Variants in NEDD4 observed in about 807,000 individuals in gnomAD.
The protein encoded by NEDD4 is E3 ubiquitin-protein ligase NEDD4.
NEDD4 carries 99 observed loss-of-function variants against 144.9 expected under a neutral mutation model. The observed-to-expected ratio is 0.68, with a 90% CI of 0.58 to 0.81. The LOEUF (loss-of-function observed/expected upper bound fraction) is 0.81. Among genes scored for constraint, NEDD4 ranks in the 30% least tolerant of loss-of-function variants. NEDD4 has a pLI of 0.00. For missense variants in NEDD4, 985 were observed against 1,065.9 expected, an observed-to-expected ratio of 0.92 and a Z score of 1.06; for synonymous variants, 318 against 350.6, an observed-to-expected ratio of 0.91 and a Z score of 1.04.
In NEDD4 at chr15:55,833,104, C is replaced by A; in HGVS notation, c.2431G>T (p.Ala811Ser). ...NHQVIQWFWK[A>S]VLMMDSEKRI... ...TTTTCTGAATCCATCATTAAAACAG[C>A]CTGAATAAGATAAAAACATCATTTA... The change falls in exon 27 of 29, where the codon GCT (alanine) becomes TCT (serine). Residue 811 changes from alanine to serine, a missense_variant and splice_region_variant. Transcript: ENST00000435532. 6.3e-7 allele frequency: 1 copy of A among 1,599,238 alleles called. No homozygotes were observed. Among genetic ancestry groups the A allele is most frequent in the Non-Finnish European group, 8.6e-7 (1 of 1,168,658 alleles).
chr15:55,973,109 T>G (rs1331029922), intron 1 of NEDD4, among the ~76,000 whole-genome samples: 2 of 152,210 alleles, frequency 1.3e-5, no homozygotes, highest in Non-Finnish European at 2.9e-5. Flanking sequence ...AATGTTGGAC[T>G]TAATCTGCAC....
At chr15:55,918,224 G>A (rs1332156479) in intron 5 of NEDD4, among the ~76,000 whole-genome samples, 1 of 152,046 alleles carries the variant, frequency 6.6e-6, no homozygotes, top group African/African-American at 2.4e-5. Context: ...TTTAGAGGTT[G>A]TGATTTTGTA....
Position 55,834,236 on chromosome 15 carries a change from A to G in NEDD4, c.2313T>C (p.Asn771=). 1 of 1,610,270 alleles carries G rather than the reference A, an allele frequency of 6.2e-7. No individual in the cohort carries two copies. The highest frequency in any genetic ancestry group is 8.5e-7 in the Non-Finnish European group (1 of 1,176,714). The change falls in exon 25 of 29, where the codon AAT becomes AAC. Residue 771 remains asparagine (N), a synonymous_variant. Transcript: ENST00000435532. The part of the protein sequence containing the change: ...PQDLIKIFDE[N]ELELLMCGLG... ...AAATGTTATGTCTTACCTCTAGTTC[A>G]TTTTCATCAAAAATTTTGATGAGAT...
chr15:55,930,929 C>G (rs889194461), intron 4 of NEDD4, among the ~76,000 whole-genome samples: 1 of 152,102 alleles, frequency 6.6e-6, no homozygotes, highest in Non-Finnish European at 1.5e-5. Flanking sequence ...GTCTTGGGTA[C>G]GTCTTTACTA....
At chr15:55,919,868 C>T (rs114051376) in intron 5 of NEDD4, among the ~76,000 whole-genome samples, 2,579 of 152,206 alleles carry the variant, frequency 0.017, 71 homozygotes, top group African/African-American at 0.057. Context: ...AAGTCAGCTG[C>T]GGTGGTTAAT....
chr15:55,987,338 ATTTG>A (rs2037912359), intron 1 of NEDD4: 1 of 1,866 alleles, frequency 5.4e-4, no homozygotes, highest in Admixed American at 3.8e-3. Flanking sequence ...TTTCTTGTAA[ATTTG>A]TTTGAGTTCA....
At chr15:55,896,186 T>A (rs1168436657) in intron 5 of NEDD4, among the ~76,000 whole-genome samples, 1 of 152,136 alleles carries the variant, frequency 6.6e-6, no homozygotes, top group African/African-American at 2.4e-5. Context: ...TTCACTTTTG[T>A]CTTTATTTAT....
intron 5 of NEDD4, among the ~76,000 whole-genome samples, chr15:55,894,444 A>G (rs1189457899): frequency 5.9e-5 from 9 of 152,100 alleles, no homozygotes; most frequent in African/African-American, 1.9e-4. Context: ...GGGGTCCTGG[A>G]ACCATTCCCC....
intron 4 of NEDD4, among the ~76,000 whole-genome samples, chr15:55,931,974 T>C (rs2036790457): frequency 1.3e-5 from 2 of 152,216 alleles, no homozygotes; most frequent in African/African-American, 4.8e-5. Flanking sequence ...TTGCCTATTC[T>C]GGACATTTCA....
At chr15:55,916,315 C>G in intron 5 of NEDD4, 1 of 1,614,020 alleles carries the variant, frequency 6.2e-7, no homozygotes, top group Admixed American at 1.7e-5. Context: ...GTGATACTTG[C>G]ACATGACCCA....
chr15:55,935,928 G>GT (rs1164255549), intron 4 of NEDD4, among the ~76,000 whole-genome samples: 1 of 150,780 alleles, frequency 6.6e-6, no homozygotes, highest in African/African-American at 2.4e-5. Context: ...TGGAACTGCT[G>GT]TAAGTATCTG....
intron 5 of NEDD4, among the ~76,000 whole-genome samples, chr15:55,907,230 G>C (rs1462310291): frequency 6.6e-6 from 1 of 152,066 alleles, no homozygotes; most frequent in African/African-American, 2.4e-5. Context: ...AAATTTTAAG[G>C]TCAATCCAGG....
At position 55,829,551 on chromosome 15, in the gene NEDD4, C is replaced by A. The variant is rs1297958803; in HGVS notation, c.*346G>T. The A allele has an allele frequency of 1.2e-5, 2 of 164,700 alleles. No individual in the cohort carries two copies. The highest frequency in any genetic ancestry group is 2.6e-5 in the Non-Finnish European group (2 of 75,882). 10.2% of individuals were successfully genotyped at this position (164,700 alleles called of 1,614,324 possible). On this transcript the variant is annotated 3_prime_UTR_variant, in exon 29 of 29. Coordinates refer to ENST00000435532, the MANE Select transcript of NEDD4 (RefSeq NM_006154.4). ...AGTAGTTTAAGAAAAAACTGCCTGG[C>A]AGATACTATACAAGAGGTAAATGTT... is the stretch of plus-strand genomic sequence containing the variant.
chr15:55,966,357 T>A, intron 2 of NEDD4, 116 bp downstream of exon 2: 1 of 628,416 alleles, frequency 1.6e-6, no homozygotes, highest in East Asian at 3.3e-5. Context: ...ATATTATTAT[T>A]ATACTTTCCA....
chr15:55,877,114 C>T (rs2035021744), intron 5 of NEDD4, among the ~76,000 whole-genome samples: 1 of 152,136 alleles, frequency 6.6e-6, no homozygotes, highest in Non-Finnish European at 1.5e-5. Flanking sequence ...TCTTAAATAA[C>T]CATATTATGA....
chr15:55,839,981 AAAAAAAAAAAAAAAAAAAATATATATAT>A (rs1407472025), intron 21 of NEDD4, among the ~76,000 whole-genome samples: 4 of 35,686 alleles, frequency 1.1e-4, no homozygotes, highest in African/African-American at 4.0e-4. Flanking sequence ...CTCAAAAAAA[AAAAAAAAAAAAAAAAAAAATATATATAT>A]ATATATATAT....
At chr15:55,850,450 T>A in intron 14 of NEDD4, 92 bp downstream of exon 14, 1 of 1,152,024 alleles carries the variant, frequency 8.7e-7, no homozygotes, top group Non-Finnish European at 1.3e-6. Flanking sequence ...GAAACATAGG[T>A]TATACTAATA....
intron 18 of NEDD4, 88 bp from the exon 19 acceptor site, chr15:55,842,251 C>A: frequency 9.6e-7 from 1 of 1,038,082 alleles, no homozygotes; most frequent in South Asian, 1.5e-5. Flanking sequence ...ATTCCCTCTA[C>A]ACCCTGTGTC....
chr15:55,909,486 C>G (rs1424528332), intron 5 of NEDD4, among the ~76,000 whole-genome samples: 14 of 152,304 alleles, frequency 9.2e-5, no homozygotes, highest in African/African-American at 2.4e-4. Flanking sequence ...GATACTGAAC[C>G]AGACGTGTGA....
Sources: gnomAD v4.1 joint callset for allele counts (sites outside exome capture counted in the v4.1 genomes callset) on GRCh38, gnomAD v4.1.1 for gene constraint, MANE v1.5 for transcripts, NCBI Gene and HGNC (gene_info 2026-07-23, HGNC 2026-07-21) for gene names.